DLG5: variants seen among roughly 807,000 people sequenced by gnomAD.
The protein encoded by DLG5 is discs large MAGUK scaffold protein 5.
A neutral mutation model predicts 189.8 loss-of-function variants in DLG5; 48 were observed. The ratio of observed to expected loss-of-function variants is 0.25; its 90% CI spans 0.20 to 0.32. The LOEUF (loss-of-function observed/expected upper bound fraction) is 0.32. Among genes scored for constraint, DLG5 ranks in the 10% least tolerant of loss-of-function variants. The probability of loss-of-function intolerance (pLI) is 1.00; values close to 1 mark genes in which losing one functional copy is unlikely to be tolerated. For missense variants in DLG5, 2,160 were observed against 2,544.7 expected, an observed-to-expected ratio of 0.85 and a Z score of 3.25; for synonymous variants, 1,016 against 1,054.1, an observed-to-expected ratio of 0.96 and a Z score of 0.70.
chr10:77,806,737 C>CCCCCCCCCCCCCA, intron 26 of DLG5, 21 bp downstream of exon 26: 6 of 1,592,006 alleles, frequency 3.8e-6, no homozygotes, highest in Non-Finnish European at 5.2e-6. Flanking sequence ...CCACCCCACC[C>CCCCCCCCCCCCCA]CAGGCCCGGA....
chr10:77,865,870 G>A (rs1009924143), intron 2 of DLG5, among the ~76,000 whole-genome samples: 3 of 152,108 alleles, frequency 2.0e-5, no homozygotes, highest in East Asian at 3.9e-4. Flanking sequence ...CTGGAGATCC[G>A]AGACCCGACA....
chr10:77,897,970 C>T (rs1161794477), intron 1 of DLG5, among the ~76,000 whole-genome samples: 2 of 152,116 alleles, frequency 1.3e-5, no homozygotes, highest in Non-Finnish European at 2.9e-5. Context: ...TAGCATAGCC[C>T]CTGAGGCTCC....
chr10:77,927,001 G>C (rs1846721912), upstream of DLG5: 1 of 344,246 alleles, frequency 2.9e-6, no homozygotes, highest in African/African-American at 2.2e-5. Context: ...GACAGCTCCG[G>C]CCCGGCTCGG....
chr10:77,902,911 C>T (rs1845972071), intron 1 of DLG5, among the ~76,000 whole-genome samples: 1 of 151,140 alleles, frequency 6.6e-6, no homozygotes. Context: ...ATAAACGAGC[C>T]ATTGAGCATC....
At chr10:77,913,732 G>C (rs1348054456) in intron 1 of DLG5, among the ~76,000 whole-genome samples, 1 of 152,086 alleles carries the variant, frequency 6.6e-6, no homozygotes, top group Non-Finnish European at 1.5e-5. Flanking sequence ...GGGGATACAG[G>C]CAGTGTCCCC....
chr10:77,892,764 A>C (rs909644643), intron 1 of DLG5, among the ~76,000 whole-genome samples: 1 of 152,246 alleles, frequency 6.6e-6, no homozygotes, highest in African/African-American at 2.4e-5. Context: ...CTGAATTTCA[A>C]AACAATACGT....
At chr10:77,853,594 A>G in intron 4 of DLG5, 57 bp from the exon 5 acceptor site, 2 of 1,421,850 alleles carry the variant, frequency 1.4e-6, no homozygotes, top group Non-Finnish European at 1.9e-6. Context: ...ACCCCGCCCC[A>G]CCCCAGGGCA....
Position 77,807,792 on chromosome 10 carries a change from G to C in DLG5, c.4796+4C>G. On this transcript the variant is annotated splice_donor_region_variant and intron_variant, in intron 25 of 31. Coordinates refer to ENST00000372391, the MANE Select transcript of DLG5 (RefSeq NM_004747.4). Reference sequence around the variant, plus strand: ...TCTCCCACCGATTCCCCAGCCACTGGTACCTGATGTAGAAGCTGTCACCAG... The same window carrying C: ...TCTCCCACCGATTCCCCAGCCACTGCTACCTGATGTAGAAGCTGTCACCAG... 3 of 1,611,766 alleles carry C rather than the reference G, an allele frequency of 1.9e-6. No homozygotes were observed. The highest frequency in any genetic ancestry group is 2.5e-6 in the Non-Finnish European group (3 of 1,178,402).
chr10:77,822,153 G>C (rs781013218), intron 14 of DLG5, 52 bp from the exon 15 acceptor site: 8 of 1,558,464 alleles, frequency 5.1e-6, no homozygotes, highest in East Asian at 2.3e-5. Flanking sequence ...GCAGGACTTG[G>C]AGCTGCCACT....
chr10:77,792,361 A>T lies in DLG5; in HGVS notation c.*79T>A. ...CATGTTCATAGACGGACAGACTTCT[A>T]CTTTCAGTCGCTAGAAAAGAGCTGA... On this transcript the variant is annotated 3_prime_UTR_variant, in exon 32 of 32. Transcript: ENST00000372391. 1 of 1,356,740 alleles carries T rather than the reference A, an allele frequency of 7.4e-7. No individual in the cohort carries two copies. Among genetic ancestry groups the T allele is most frequent in the Non-Finnish European group, 1.1e-6 (1 of 947,548 alleles). 84.0% of individuals were successfully genotyped at this position (1,356,740 alleles called of 1,614,324 possible).
chr10:77,854,834 C>A (rs1345544449), intron 3 of DLG5, among the ~76,000 whole-genome samples: 1 of 151,798 alleles, frequency 6.6e-6, no homozygotes, highest in East Asian at 1.9e-4. Context: ...AAAAAAAATA[C>A]AAAAATTAGC....
At position 77,816,716 on chromosome 10, in the gene DLG5, G is replaced by A. The variant is rs760637664; in HGVS notation, c.3875-15C>T. 26 of 1,587,496 alleles carry A rather than the reference G, an allele frequency of 1.6e-5. No individual in the cohort carries two copies. Among genetic ancestry groups the A allele is most frequent in the African/African-American group, 2.7e-5 (2 of 74,544 alleles). ...TGACACTGAACCTGCAGAGAGGAGC[G>A]GGTAATGCCGGTGTGAACTCCCATC... On this transcript the variant is annotated splice_polypyrimidine_tract_variant and intron_variant, in intron 19 of 31. Coordinates refer to ENST00000372391, the MANE Select transcript of DLG5 (RefSeq NM_004747.4).
intron 21 of DLG5, 70 bp from the exon 22 acceptor site, chr10:77,812,127 T>A: frequency 6.3e-7 from 1 of 1,598,664 alleles, no homozygotes; most frequent in South Asian, 1.1e-5. Context: ...CCTGGGGACT[T>A]GGGAGCACTG....
chr10:77,819,590 G>A lies in DLG5; in HGVS notation c.3527-125C>T, dbSNP rs1589151509. ...TTTGGGAAAAGGACTTGGGAGATGA[G>A]TTTTAACCACCAATTCACAATGTGG... On this transcript the variant is annotated intron_variant, in intron 16 of 31. Transcript: ENST00000372391. 3.8e-6 allele frequency: 5 copies of A among 1,308,282 alleles called. No homozygotes were observed. The East Asian group carries it at 1.3e-4, about 33-fold the overall frequency. The allele number at this position is 1,308,282 out of a possible 1,614,324, so 81.0% of individuals were successfully genotyped here. A position where few individuals can be genotyped will look rare whatever the true frequency, so the allele number is the denominator to read the frequency against.
At chr10:77,881,225 A>G (rs912574545) in intron 1 of DLG5, among the ~76,000 whole-genome samples, 45 of 152,080 alleles carry the variant, frequency 3.0e-4, no homozygotes, top group African/African-American at 9.7e-4. Flanking sequence ...CTTTCTGACA[A>G]GATCAGAAAA....
chr10:77,792,788 T>C lies in DLG5; in HGVS notation c.5657-245A>G, dbSNP rs1603641026. 3 of 488,196 alleles carry C rather than the reference T, an allele frequency of 6.1e-6. No homozygotes were observed. The East Asian group carries it at 1.0e-4, about 16-fold the overall frequency. The allele number at this position is 488,196 out of a possible 1,614,324, so 30.2% of individuals were successfully genotyped here. On this transcript the variant is annotated intron_variant, in intron 31 of 31. Coordinates refer to ENST00000372391, the MANE Select transcript of DLG5 (RefSeq NM_004747.4). The stretch of plus-strand genomic sequence containing the variant: ...TGCAGTTAACACCCTGGGTTGGGTT[T>C]GCAATGGTTGGGGGAATCCCAGGGC...
chr10:77,802,885 G>A (rs1315331115), intron 27 of DLG5, among the ~76,000 whole-genome samples: 4 of 152,214 alleles, frequency 2.6e-5, no homozygotes, highest in Non-Finnish European at 5.9e-5. Context: ...GGGCGACAGA[G>A]CGAGATTCTG....
chr10:77,832,631 C>G (rs1415084280), intron 9 of DLG5, among the ~76,000 whole-genome samples: 2 of 152,240 alleles, frequency 1.3e-5, no homozygotes, highest in African/African-American at 4.8e-5. Flanking sequence ...CACAGACCCC[C>G]TCACCAGCAT....
At chr10:77,836,460 G>A (rs1011650046) in intron 7 of DLG5, among the ~76,000 whole-genome samples, 10 of 152,154 alleles carry the variant, frequency 6.6e-5, no homozygotes, top group Non-Finnish European at 1.3e-4. Context: ...GACAGCAGAG[G>A]CGCTGATGAC....
Sources: allele counts gnomAD v4.1 joint callset (sites outside exome capture counted in the v4.1 genomes callset), GRCh38; gene constraint gnomAD v4.1.1; transcripts MANE v1.5; gene names NCBI Gene and HGNC (gene_info 2026-07-23, HGNC 2026-07-21).